PCNP: variants seen among roughly 807,000 people sequenced by gnomAD.
PCNP encodes PEST proteolytic signal containing nuclear protein.
Under a neutral mutation model 21.8 loss-of-function variants are expected in PCNP, and 6 were observed. The ratio of observed to expected loss-of-function variants is 0.28; its 90% CI spans 0.15 to 0.54. The LOEUF (loss-of-function observed/expected upper bound fraction) is 0.54, where lower values mean the gene tolerates loss of function less well. Among genes scored for constraint, PCNP ranks in the 20% least tolerant of loss-of-function variants. The pLI is 0.95. For synonymous variants in PCNP, 67 were observed against 73.2 expected (o/e 0.92, Z 0.43); for missense variants, 161 against 215.5 (o/e 0.75, Z 1.58).
chr3:101,581,048 T>C (rs1162021289), intron 2 of PCNP, among the ~76,000 whole-genome samples: 1 of 152,208 alleles, frequency 6.6e-6, no homozygotes, highest in Non-Finnish European at 1.5e-5. Flanking sequence ...TCTGGAGCAG[T>C]CAGTATATTT....
At chr3:101,579,230 C>T (rs926252363) in intron 1 of PCNP, among the ~76,000 whole-genome samples, 2 of 151,956 alleles carry the variant, frequency 1.3e-5, no homozygotes, top group African/African-American at 4.8e-5. Flanking sequence ...CTTGAAGTTC[C>T]TTTTCAACTC....
intron 2 of PCNP, among the ~76,000 whole-genome samples, chr3:101,582,647 C>G (rs553652080): frequency 3.9e-5 from 6 of 152,282 alleles, no homozygotes; most frequent in South Asian, 2.1e-4. Context: ...TGCATAATCT[C>G]TAACTGAACA....
chr3:101,582,120 G>A (rs576082592), intron 2 of PCNP, among the ~76,000 whole-genome samples: 6 of 150,366 alleles, frequency 4.0e-5, no homozygotes, highest in Admixed American at 3.3e-4. Context: ...AAACTACTCA[G>A]TAAAACTTTT....
intron 2 of PCNP, among the ~76,000 whole-genome samples, chr3:101,585,036 G>A (rs1935426294): frequency 6.6e-6 from 1 of 152,156 alleles, no homozygotes. Flanking sequence ...AGTGAGAAGA[G>A]ATGGTTTGGA....
chr3:101,593,275 G>A lies in PCNP; in HGVS notation c.*522G>A, dbSNP rs898920141. The A allele has an allele frequency of 6.6e-6, 1 of 152,526 alleles. No homozygotes were observed. The highest frequency in any genetic ancestry group is 1.5e-5 in the Non-Finnish European group (1 of 68,000). The allele number at this position is 152,526 out of a possible 1,614,324, so 9.4% of individuals were successfully genotyped here. A position where few individuals can be genotyped will look rare whatever the true frequency, so the allele number is the denominator to read the frequency against. On this transcript the variant is annotated 3_prime_UTR_variant, in exon 5 of 5. Coordinates refer to ENST00000265260, the MANE Select transcript of PCNP (RefSeq NM_020357.3). ...CTTATGGGCATTTGTTTTGTTTCAA[G>A]TCATCATAAACTAGGTATTGCATTG...
At position 101,592,998 on chromosome 3, in the gene PCNP, A is replaced by T. The variant is rs963282172; in HGVS notation, c.*245A>T. ...TGATTAGTTTCCAAAGGTTACAGAT[A>T]ATAAAGAAATCAGAAATGGTACCTT... On this transcript the variant is annotated 3_prime_UTR_variant, in exon 5 of 5. Transcript: ENST00000265260. The T allele has an allele frequency of 3.7e-6, 1 of 269,278 alleles. No individual in the cohort carries two copies. The allele number at this position is 269,278 out of a possible 1,614,324, so 16.7% of individuals were successfully genotyped here. A position where few individuals can be genotyped will look rare whatever the true frequency, so the allele number is the denominator to read the frequency against.
intron 1 of PCNP, among the ~76,000 whole-genome samples, 184 bp downstream of exon 1, chr3:101,574,463 C>T (rs764493516): frequency 5.3e-5 from 8 of 152,218 alleles, no homozygotes; most frequent in Non-Finnish European, 1.0e-4. Flanking sequence ...CCTACATCGC[C>T]TCCTTGCCTG....
chr3:101,581,037 G>A (rs1935193666), intron 2 of PCNP, among the ~76,000 whole-genome samples: 1 of 152,140 alleles, frequency 6.6e-6, no homozygotes, highest in South Asian at 2.1e-4. Context: ...TAAAAATATG[G>A]TCTGGAGCAG....
At chr3:101,588,740 A>G (rs1021272599) in intron 3 of PCNP, among the ~76,000 whole-genome samples, 1 of 152,266 alleles carries the variant, frequency 6.6e-6, no homozygotes, top group Admixed American at 6.5e-5. Context: ...AGCTCCCTCA[A>G]TTTGGATTTG....
At chr3:101,590,370 T>C in intron 4 of PCNP, 100 bp downstream of exon 4, 1 of 684,768 alleles carries the variant, frequency 1.5e-6, no homozygotes, top group Non-Finnish European at 2.6e-6. Flanking sequence ...TCTTGTGCAT[T>C]TGGGCAGAAC....
At position 101,574,202 on chromosome 3, in the gene PCNP, C is replaced by A. The variant is rs1179976065; in HGVS notation, c.-14C>A. 4 of 1,549,226 alleles carry A rather than the reference C, an allele frequency of 2.6e-6. No individual in the cohort carries two copies. Among genetic ancestry groups the A allele is most frequent in the Non-Finnish European group, 3.5e-6 (4 of 1,145,782 alleles). The stretch of plus-strand genomic sequence containing the variant: ...GTCCTTGGCGTGGCTGCAGGGGAGG[C>A]CGCGGCGGGGAAAATGGCGGACGGG... On this transcript the variant is annotated 5_prime_UTR_variant, in exon 1 of 5. Transcript: ENST00000265260.
intron 2 of PCNP, among the ~76,000 whole-genome samples, chr3:101,584,106 A>G (rs1935372049): frequency 6.6e-6 from 1 of 152,160 alleles, no homozygotes; most frequent in East Asian, 1.9e-4. Context: ...AAGTTGAAGA[A>G]AAGATTTTCT....
chr3:101,581,985 C>T (rs1487523711), intron 2 of PCNP, among the ~76,000 whole-genome samples: 2 of 151,958 alleles, frequency 1.3e-5, no homozygotes, highest in African/African-American at 4.8e-5. Context: ...GGTGATCTGC[C>T]TGCCTCAGCC....
At chr3:101,582,326 G>A (rs928571267) in intron 2 of PCNP, among the ~76,000 whole-genome samples, 13 of 152,072 alleles carry the variant, frequency 8.5e-5, no homozygotes, top group African/African-American at 1.2e-4. Context: ...GGTGGCGGGC[G>A]CCTGTAGTCC....
chr3:101,590,088 C>T, intron 3 of PCNP, 127 bp from the exon 4 acceptor site: 1 of 645,370 alleles, frequency 1.5e-6, no homozygotes, highest in Non-Finnish European at 2.8e-6. Context: ...CACTAATTTT[C>T]TCCTTTTACC....
At chr3:101,575,935 A>G (rs1934855453) in intron 1 of PCNP, among the ~76,000 whole-genome samples, 1 of 152,218 alleles carries the variant, frequency 6.6e-6, no homozygotes, top group Admixed American at 6.5e-5. Flanking sequence ...TTGGTAACTT[A>G]GAGTAAGTAA....
chr3:101,578,922 G>A (rs1258446476), intron 1 of PCNP, among the ~76,000 whole-genome samples: 1 of 152,124 alleles, frequency 6.6e-6, no homozygotes, highest in East Asian at 1.9e-4. Context: ...GCCTTCTTCT[G>A]TCTTACCGCC....
At position 101,592,865 on chromosome 3, in the gene PCNP, T is replaced by G; in HGVS notation, c.*112T>G. 1 of 944,676 alleles carries G rather than the reference T, an allele frequency of 1.1e-6. No individual in the cohort carries two copies. Among genetic ancestry groups the G allele is most frequent in the Non-Finnish European group, 1.5e-6 (1 of 669,430 alleles). The allele number at this position is 944,676 out of a possible 1,614,324, so 58.5% of individuals were successfully genotyped here. ...GGAGCCGCTTTTTTTTTCTTTTTCA[T>G]TTTTTTAAAAGATTGAGTGGTACAC... is the stretch of plus-strand genomic sequence containing the variant. On this transcript the variant is annotated 3_prime_UTR_variant, in exon 5 of 5. Coordinates refer to ENST00000265260, the MANE Select transcript of PCNP (RefSeq NM_020357.3).
At chr3:101,576,961 G>T in intron 1 of PCNP, 2 of 1,273,438 alleles carry the variant, frequency 1.6e-6, no homozygotes, top group Non-Finnish European at 2.3e-6. Flanking sequence ...GGCAGCACAA[G>T]CGGCGGCGTG....
Sources: gnomAD v4.1 joint callset for allele counts (sites outside exome capture counted in the v4.1 genomes callset) on GRCh38, gnomAD v4.1.1 for gene constraint, MANE v1.5 for transcripts, NCBI Gene and HGNC (gene_info 2026-07-23, HGNC 2026-07-21) for gene names.